The following WIF1 variants were observed in gnomAD, a reference collection of about 807,000 sequenced individuals.
The protein encoded by WIF1 is Wnt inhibitory factor 1.
Under a neutral mutation model 53.5 loss-of-function variants are expected in WIF1, and 35 were observed. The observed-to-expected ratio is 0.65, with a 90% CI of 0.50 to 0.87. The LOEUF (loss-of-function observed/expected upper bound fraction) is 0.87. WIF1 is among the 40% of genes least tolerant of loss of function. WIF1 has a pLI of 0.00. For missense variants in WIF1, 467 were observed against 476.8 expected (o/e 0.98, Z 0.19); for synonymous variants, 171 against 170.4 (o/e 1.00, Z -0.03).
intron 2 of WIF1, among the ~76,000 whole-genome samples, chr12:65,114,816 C>T (rs1040504926): frequency 6.6e-6 from 1 of 152,122 alleles, no homozygotes; most frequent in Admixed American, 6.5e-5. Flanking sequence ...CAAAATTCTC[C>T]TGTTCTTTTC....
chr12:65,060,002 C>A (rs1882586824), intron 7 of WIF1, among the ~76,000 whole-genome samples: 1 of 148,446 alleles, frequency 6.7e-6, no homozygotes, highest in Non-Finnish European at 1.5e-5. Context: ...ATAAACATGG[C>A]ATCGGAGTAT....
chr12:65,060,293 C>A (rs1882593005), intron 7 of WIF1, among the ~76,000 whole-genome samples: 1 of 152,138 alleles, frequency 6.6e-6, no homozygotes, highest in Admixed American at 6.5e-5. Context: ...GGAAACAACC[C>A]AAATGTCCAA....
At chr12:65,083,215 T>A (rs1882975084) in intron 2 of WIF1, among the ~76,000 whole-genome samples, 1 of 152,084 alleles carries the variant, frequency 6.6e-6, no homozygotes, top group South Asian at 2.1e-4. Context: ...ACTAAAGAGA[T>A]GTAAAATAGA....
At chr12:65,083,903 A>G (rs75317585) in intron 2 of WIF1, 4,706 of 316,762 alleles carry the variant, frequency 0.015, 230 homozygotes, top group African/African-American at 0.11. Flanking sequence ...CAGTAGCACG[A>G]TCATGGCTCA....
At chr12:65,117,930 C>T (rs569479712) in intron 2 of WIF1, among the ~76,000 whole-genome samples, 12 of 152,308 alleles carry the variant, frequency 7.9e-5, no homozygotes, top group African/African-American at 2.6e-4. Context: ...TGCCACTCAC[C>T]TCCTGCTGTG....
chr12:65,067,619 A>T, intron 5 of WIF1, 76 bp downstream of exon 5: 6 of 1,424,108 alleles, frequency 4.2e-6, no homozygotes, highest in Non-Finnish European at 5.9e-6. Flanking sequence ...TTAAAAATAC[A>T]CAATACACAT....
rs564615820 is a variant in WIF1, at chr12:65,099,478, A to G, written c.288+20939T>C. On this transcript the variant is annotated intron_variant, in intron 2 of 9. Coordinates refer to ENST00000286574, the MANE Select transcript of WIF1 (RefSeq NM_007191.5). Reference sequence around the variant, plus strand: ...GCAGTCTATAAACAATAATTTGTGTATGCCTACCAGGCTCCCCTTCTCCCC... The same window carrying G: ...GCAGTCTATAAACAATAATTTGTGTGTGCCTACCAGGCTCCCCTTCTCCCC... Among the ~76,000 whole-genome samples, 356 of 152,308 alleles carry G rather than the reference A, an allele frequency of 2.3e-3. 1 individual carries two copies. The highest frequency in any genetic ancestry group is 4.0e-3 in the Non-Finnish European group (273 of 68,028).
intron 2 of WIF1, among the ~76,000 whole-genome samples, chr12:65,097,890 C>G (rs1243184329): frequency 6.6e-6 from 1 of 152,082 alleles, no homozygotes; most frequent in Non-Finnish European, 1.5e-5. Context: ...AATTAAAATT[C>G]AAAATGTTCT....
chr12:65,110,269 C>T (rs1592404574), intron 2 of WIF1, among the ~76,000 whole-genome samples: 1 of 150,298 alleles, frequency 6.7e-6, no homozygotes, highest in African/African-American at 2.4e-5. Context: ...TTCCCCTGGC[C>T]CCCAATATTC....
At chr12:65,072,752 T>C (rs1281911887) in intron 3 of WIF1, among the ~76,000 whole-genome samples, 1 of 152,122 alleles carries the variant, frequency 6.6e-6, no homozygotes, top group African/African-American at 2.4e-5. Context: ...AAGCAGAGAC[T>C]CTTTGCTTCC....
chr12:65,064,535 G>A (rs1198203595), intron 6 of WIF1, among the ~76,000 whole-genome samples: 3 of 151,956 alleles, frequency 2.0e-5, no homozygotes, highest in Non-Finnish European at 4.4e-5. Flanking sequence ...ATTTTTCAGA[G>A]CCTCCACATA....
intron 3 of WIF1, among the ~76,000 whole-genome samples, chr12:65,075,849 G>C (rs1333846087): frequency 6.6e-6 from 1 of 151,980 alleles, no homozygotes; most frequent in Admixed American, 6.6e-5. Context: ...GCAATAAGTG[G>C]TGAATATACC....
chr12:65,080,011 T>G (rs892359102), intron 2 of WIF1, among the ~76,000 whole-genome samples: 1 of 152,162 alleles, frequency 6.6e-6, no homozygotes, highest in Non-Finnish European at 1.5e-5. Context: ...AAGAGATACA[T>G]GGTAGACATT....
intron 2 of WIF1, among the ~76,000 whole-genome samples, chr12:65,099,822 TA>T: frequency 6.6e-6 from 1 of 152,172 alleles, no homozygotes; most frequent in Non-Finnish European, 1.5e-5. Flanking sequence ...TTCTTTCTCT[TA>T]AAAAGTGCTG....
At chr12:65,117,145 A>C (rs982834941) in intron 2 of WIF1, among the ~76,000 whole-genome samples, 3 of 152,014 alleles carry the variant, frequency 2.0e-5, no homozygotes, top group African/African-American at 7.2e-5. Flanking sequence ...TTTAATTTTT[A>C]TAAACAGCAT....
At chr12:65,063,722 T>A (rs1199076238) in intron 6 of WIF1, among the ~76,000 whole-genome samples, 1 of 151,090 alleles carries the variant, frequency 6.6e-6, no homozygotes, top group Non-Finnish European at 1.5e-5. Flanking sequence ...TTTTGGTTTG[T>A]TTTTTAAAAG....
chr12:65,073,047 C>T (rs980620598), intron 3 of WIF1, among the ~76,000 whole-genome samples: 3 of 152,196 alleles, frequency 2.0e-5, no homozygotes, highest in Middle Eastern at 6.3e-3. Context: ...ACTGCTCCCA[C>T]ACACAGATGG....
At chr12:65,092,274 G>A (rs899010535) in intron 2 of WIF1, among the ~76,000 whole-genome samples, 1 of 151,630 alleles carries the variant, frequency 6.6e-6, no homozygotes, top group East Asian at 1.9e-4. Flanking sequence ...ATCACACACC[G>A]GGGCTTGTCA....
intron 2 of WIF1, among the ~76,000 whole-genome samples, chr12:65,094,548 G>A (rs1883172423): frequency 6.6e-6 from 1 of 152,124 alleles, no homozygotes; most frequent in Middle Eastern, 3.4e-3. Context: ...GCTTTGGGAG[G>A]AAGGGAAGTA....
Sources: gnomAD v4.1 joint callset for allele counts (sites outside exome capture counted in the v4.1 genomes callset) on GRCh38, gnomAD v4.1.1 for gene constraint, MANE v1.5 for transcripts, NCBI Gene and HGNC (gene_info 2026-07-23, HGNC 2026-07-21) for gene names.